Variants in DLGAP1 observed in about 807,000 individuals in gnomAD.
The protein encoded by DLGAP1 is DLG associated protein 1, also known as disks large-associated protein 1.
Under a neutral mutation model 90.8 loss-of-function variants are expected in DLGAP1, and 11 were observed. That is an observed-to-expected ratio of 0.12 (90% CI 0.08 to 0.20). The LOEUF is 0.20. DLGAP1 is among the 10% of genes least tolerant of loss of function. The pLI is 1.00. For synonymous variants in DLGAP1, 558 were observed against 540.7 expected, an observed-to-expected ratio of 1.03 and a Z score of -0.44; for missense variants, 1,050 against 1,333.8, an observed-to-expected ratio of 0.79 and a Z score of 3.31.
At position 3,730,225 on chromosome 18, in the gene DLGAP1, C is replaced by G. The variant is rs537089542; in HGVS notation, c.1351-850G>C. Among the ~76,000 whole-genome samples, 20 of 152,222 alleles carry G rather than the reference C, an allele frequency of 1.3e-4. 1 individual carries two copies. The East Asian group carries it at 3.7e-3, about 28-fold the overall frequency. Reference sequence around the variant, plus strand: ...GCCTGATTGCACCACTGCATTCCAGCCTGGGCAACAGAGAGAGATCTTGTC... The same window carrying G: ...GCCTGATTGCACCACTGCATTCCAGGCTGGGCAACAGAGAGAGATCTTGTC... On this transcript the variant is annotated intron_variant, in intron 6 of 12. Coordinates refer to ENST00000315677, the MANE Select transcript of DLGAP1 (RefSeq NM_004746.4).
intron 7 of DLGAP1, among the ~76,000 whole-genome samples, chr18:3,647,470 CTT>C (rs752082348): frequency 2.5e-4 from 36 of 142,630 alleles, no homozygotes; most frequent in Admixed American, 5.0e-4. Context: ...ATTTAAGCTC[CTT>C]TTTTTTTTTT....
chr18:4,003,737 G>A (rs1252324700), intron 3 of DLGAP1, among the ~76,000 whole-genome samples: 1 of 152,048 alleles, frequency 6.6e-6, no homozygotes, highest in Non-Finnish European at 1.5e-5. Context: ...AGCAGCAAGT[G>A]GATGCTGGAA....
chr18:3,850,110 T>C (rs2148679731), intron 4 of DLGAP1, among the ~76,000 whole-genome samples: 1 of 151,766 alleles, frequency 6.6e-6, no homozygotes, highest in Non-Finnish European at 1.5e-5. Flanking sequence ...CTCACGTCTG[T>C]AATCCCAGCA....
chr18:3,550,881 AC>A (rs2053363404), intron 9 of DLGAP1, among the ~76,000 whole-genome samples: 1 of 151,660 alleles, frequency 6.6e-6, no homozygotes, highest in East Asian at 2.0e-4. Flanking sequence ...AGCTAGGATT[AC>A]AGGGGCCCAC....
At chr18:3,851,314 C>T (rs377448735) in intron 4 of DLGAP1, among the ~76,000 whole-genome samples, 120 of 152,228 alleles carry the variant, frequency 7.9e-4, no homozygotes, top group African/African-American at 2.7e-3. Context: ...CTGAAAGTGA[C>T]GGCATCATTT....
At chr18:3,944,836 C>A (rs968947144) in intron 3 of DLGAP1, among the ~76,000 whole-genome samples, 1 of 152,138 alleles carries the variant, frequency 6.6e-6, no homozygotes, top group Admixed American at 6.5e-5. Context: ...AATGGAGAAA[C>A]TCACCAAGCC....
At chr18:4,190,199 TCAAGCTA>T (rs2077370787) in intron 1 of DLGAP1, among the ~76,000 whole-genome samples, 1 of 152,060 alleles carries the variant, frequency 6.6e-6, no homozygotes, top group South Asian at 2.1e-4. Flanking sequence ...AAAAGAGCTA[TCAAGCTA>T]CTAAAAGACA....
intron 2 of DLGAP1, among the ~76,000 whole-genome samples, chr18:4,150,331 A>C (rs1188471029): frequency 6.6e-6 from 1 of 152,208 alleles, no homozygotes; most frequent in Admixed American, 6.5e-5. Context: ...CAAAAACTAC[A>C]TAATGAAAGG....
chr18:3,862,964 C>A (rs1226931800), intron 4 of DLGAP1, among the ~76,000 whole-genome samples: 1 of 152,224 alleles, frequency 6.6e-6, no homozygotes, highest in African/African-American at 2.4e-5. Context: ...TGGGACATCA[C>A]CACAGGGTAT....
At chr18:4,452,960 A>T (rs1438595004) in intron 1 of DLGAP1, among the ~76,000 whole-genome samples, 1 of 152,196 alleles carries the variant, frequency 6.6e-6, no homozygotes, top group Non-Finnish European at 1.5e-5. Flanking sequence ...TTGTATTTGC[A>T]GACTAATCTT....
At chr18:4,301,379 T>C (rs1363201261) in intron 1 of DLGAP1, among the ~76,000 whole-genome samples, 1 of 152,226 alleles carries the variant, frequency 6.6e-6, no homozygotes, top group African/African-American at 2.4e-5. Flanking sequence ...AGTGAGAATG[T>C]GTAGTATTTG....
intron 7 of DLGAP1, among the ~76,000 whole-genome samples, chr18:3,673,760 G>A (rs1345846345): frequency 6.6e-6 from 1 of 151,390 alleles, no homozygotes; most frequent in Non-Finnish European, 1.5e-5. Flanking sequence ...TGGCCACGCT[G>A]GTCTCAAACT....
chr18:3,601,872 G>C (rs375680214), intron 7 of DLGAP1, among the ~76,000 whole-genome samples: 5 of 103,092 alleles, frequency 4.9e-5, no homozygotes, highest in African/African-American at 1.9e-4. Context: ...AGCTGGGCGT[G>C]GTGGCGAGTA....
intron 5 of DLGAP1, among the ~76,000 whole-genome samples, chr18:3,753,801 C>T (rs973210083): frequency 6.6e-6 from 1 of 152,138 alleles, no homozygotes; most frequent in Non-Finnish European, 1.5e-5. Context: ...CATATTCTGA[C>T]CAATCATTGG....
chr18:3,777,966 C>T (rs1224001669), intron 5 of DLGAP1, among the ~76,000 whole-genome samples: 2 of 152,068 alleles, frequency 1.3e-5, no homozygotes, highest in Non-Finnish European at 2.9e-5. Flanking sequence ...GGAATGAATC[C>T]TTCGTAAGTA....
chr18:3,918,611 C>T (rs575333236), intron 3 of DLGAP1, among the ~76,000 whole-genome samples: 1 of 152,198 alleles, frequency 6.6e-6, no homozygotes, highest in East Asian at 1.9e-4. Flanking sequence ...TGGAGATTTT[C>T]CCCCTAAGTT....
intron 2 of DLGAP1, among the ~76,000 whole-genome samples, chr18:4,086,364 ATAAAAACGGCATTATTAC>A (rs1253196448): frequency 2.6e-5 from 4 of 152,248 alleles, no homozygotes; most frequent in Non-Finnish European, 5.9e-5. Flanking sequence ...AAGGTGCTAA[ATAAAAACGGCATTATTAC>A]TAATTACTTT....
chr18:4,067,111 T>G (rs978244004), intron 2 of DLGAP1, among the ~76,000 whole-genome samples: 2 of 151,864 alleles, frequency 1.3e-5, no homozygotes, highest in Non-Finnish European at 2.9e-5. Context: ...CACTTATAAG[T>G]GGGAGCTAAA....
chr18:3,972,493 TCACA>T (rs1247005949), intron 3 of DLGAP1, among the ~76,000 whole-genome samples: 1 of 151,400 alleles, frequency 6.6e-6, no homozygotes, highest in South Asian at 2.1e-4. Flanking sequence ...GGCAGTTGAG[TCACA>T]CACACACACA....
Sources: gnomAD v4.1 joint callset for allele counts (sites outside exome capture counted in the v4.1 genomes callset) on GRCh38, gnomAD v4.1.1 for gene constraint, MANE v1.5 for transcripts, NCBI Gene and HGNC (gene_info 2026-07-23, HGNC 2026-07-21) for gene names.